The following PLPP3 variants were observed in gnomAD, a reference collection of about 807,000 sequenced individuals.
PLPP3 encodes the protein phospholipid phosphatase 3.
Under a neutral mutation model 29.6 loss-of-function variants are expected in PLPP3, and 6 were observed. That is an observed-to-expected ratio of 0.20 (90% CI 0.11 to 0.40). The LOEUF (loss-of-function observed/expected upper bound fraction) is 0.40, where lower values mean the gene tolerates loss of function less well. Among genes scored for constraint, PLPP3 ranks in the 10% least tolerant of loss-of-function variants. The pLI is 1.00. For synonymous variants in PLPP3, 152 were observed against 159.7 expected (o/e 0.95, Z 0.36); for missense variants, 308 against 407.7 (o/e 0.76, Z 2.11).
chr1:56,506,583 C>T (rs1003125088), intron 5 of PLPP3, among the ~76,000 whole-genome samples: 4 of 152,192 alleles, frequency 2.6e-5, no homozygotes, highest in Non-Finnish European at 4.4e-5. Flanking sequence ...GCCGGGCCCT[C>T]CCCTGACCCC....
chr1:56,521,911 C>T (rs566009940), intron 4 of PLPP3, among the ~76,000 whole-genome samples: 15 of 152,242 alleles, frequency 9.9e-5, no homozygotes, highest in Admixed American at 5.9e-4. Flanking sequence ...GAGTTGGGGA[C>T]CGGAGGGAGG....
At chr1:56,546,562 G>C (rs1432939797) in intron 1 of PLPP3, among the ~76,000 whole-genome samples, 2 of 152,172 alleles carry the variant, frequency 1.3e-5, no homozygotes, top group African/African-American at 4.8e-5. Context: ...TCCTATCTAT[G>C]TTTTCAATTA....
intron 1 of PLPP3, among the ~76,000 whole-genome samples, chr1:56,577,754 A>G (rs1452867166): frequency 6.6e-6 from 1 of 152,058 alleles, no homozygotes; most frequent in East Asian, 1.9e-4. Flanking sequence ...ACCAAATCCG[A>G]GTTCCTAATG....
At chr1:56,496,982 C>T (rs561502983) in intron 5 of PLPP3, among the ~76,000 whole-genome samples, 7 of 152,132 alleles carry the variant, frequency 4.6e-5, no homozygotes, top group Non-Finnish European at 7.3e-5. Context: ...TCAAGGCAAA[C>T]GAATAGCAAT....
Position 56,521,740 on chromosome 1 carries a change from C to T in PLPP3, c.633+2083G>A, listed in dbSNP as rs181321897. 1.9e-3 allele frequency among the ~76,000 whole-genome samples: 287 copies of T among 152,260 alleles called. 3 individuals are homozygous for T. The South Asian group carries it at 0.041, about 22-fold the overall frequency. ...CCCTCCCTCTCTCTTCCTTTCCTCT[C>T]TCCCTTTTCTCTTCCTTCCCTCTTT... is the stretch of plus-strand genomic sequence containing the variant. On this transcript the variant is annotated intron_variant, in intron 4 of 5. Coordinates refer to ENST00000371250, the MANE Select transcript of PLPP3 (RefSeq NM_003713.5).
intron 4 of PLPP3, among the ~76,000 whole-genome samples, chr1:56,517,477 T>C (rs1055176871): frequency 2.0e-5 from 3 of 152,238 alleles, no homozygotes; most frequent in Non-Finnish European, 4.4e-5. Context: ...CCTGGGCCAG[T>C]AGTGCTTTAA....
chr1:56,533,481 G>A (rs563770526), intron 2 of PLPP3, among the ~76,000 whole-genome samples: 8 of 152,262 alleles, frequency 5.3e-5, no homozygotes, highest in Middle Eastern at 6.8e-3. Flanking sequence ...GTAGGCTGCA[G>A]AAGACAGCAG....
At chr1:56,539,597 AAC>A (rs71906616) in intron 1 of PLPP3, among the ~76,000 whole-genome samples, 15,366 of 152,194 alleles carry the variant, frequency 0.1, 1,749 homozygotes, top group African/African-American at 0.27. Context: ...TCTCAAAGTA[AAC>A]ACAGAGGGGC....
chr1:56,567,741 A>T (rs1367215006), intron 1 of PLPP3, among the ~76,000 whole-genome samples: 1 of 151,898 alleles, frequency 6.6e-6, no homozygotes. Context: ...AACGGAAAAC[A>T]GTTTGGCAGT....
At chr1:56,546,596 C>T (rs1371883799) in intron 1 of PLPP3, among the ~76,000 whole-genome samples, 1 of 152,184 alleles carries the variant, frequency 6.6e-6, no homozygotes, top group Admixed American at 6.5e-5. Flanking sequence ...CATGTCAAGT[C>T]ACCAGGGCAA....
At chr1:56,504,284 G>T (rs1645687152) in intron 5 of PLPP3, among the ~76,000 whole-genome samples, 1 of 152,144 alleles carries the variant, frequency 6.6e-6, no homozygotes, top group African/African-American at 2.4e-5. Context: ...GGGCAACATA[G>T]GAAGACCCGC....
intron 1 of PLPP3, 138 bp downstream of exon 1, chr1:56,578,740 G>T: frequency 4.2e-6 from 4 of 955,842 alleles, no homozygotes; most frequent in Non-Finnish European, 4.0e-6. Flanking sequence ...CGGCGCAAAG[G>T]CTCCCCAGGA....
chr1:56,545,877 T>C (rs1284079301), intron 1 of PLPP3, among the ~76,000 whole-genome samples: 2 of 152,030 alleles, frequency 1.3e-5, no homozygotes, highest in East Asian at 1.9e-4. Flanking sequence ...TGGAGCCAGA[T>C]GCAGTGCCAA....
intron 1 of PLPP3, among the ~76,000 whole-genome samples, chr1:56,557,370 C>A (rs1031845936): frequency 2.6e-5 from 4 of 151,100 alleles, no homozygotes; most frequent in Non-Finnish European, 5.9e-5. Flanking sequence ...AAGCGAGACT[C>A]CTTCTCAAAA....
At chr1:56,571,344 C>T (rs1038874908) in intron 1 of PLPP3, among the ~76,000 whole-genome samples, 8 of 152,100 alleles carry the variant, frequency 5.3e-5, no homozygotes, top group Admixed American at 2.6e-4. Context: ...AATCTCATTT[C>T]GTAAATGAGG....
intron 5 of PLPP3, among the ~76,000 whole-genome samples, chr1:56,502,508 C>T (rs1645675305): frequency 6.6e-6 from 1 of 152,202 alleles, no homozygotes; most frequent in African/African-American, 2.4e-5. Context: ...TTAGCAAACA[C>T]TACAGTTATT....
chr1:56,558,887 G>A (rs1777283), intron 1 of PLPP3, among the ~76,000 whole-genome samples: 121,057 of 152,200 alleles, frequency 0.8, 49,049 homozygotes, highest in Non-Finnish European at 0.88. Flanking sequence ...TGTACCTTGT[G>A]ACAGGGTTAA....
At chr1:56,567,679 G>A (rs923857100) in intron 1 of PLPP3, among the ~76,000 whole-genome samples, 1 of 152,154 alleles carries the variant, frequency 6.6e-6, no homozygotes, top group Non-Finnish European at 1.5e-5. Flanking sequence ...TTACAGGCGT[G>A]AGCCACAGCA....
intron 1 of PLPP3, among the ~76,000 whole-genome samples, chr1:56,537,717 A>G (rs1349354517): frequency 6.6e-6 from 1 of 151,606 alleles, no homozygotes; most frequent in Non-Finnish European, 1.5e-5. Context: ...AGTGCCTGGC[A>G]CATAGTAGCT....
Sources: allele counts gnomAD v4.1 joint callset (sites outside exome capture counted in the v4.1 genomes callset), GRCh38; gene constraint gnomAD v4.1.1; transcripts MANE v1.5; gene names NCBI Gene and HGNC (gene_info 2026-07-23, HGNC 2026-07-21).